RAB38: variants seen among roughly 807,000 people sequenced by gnomAD.
RAB38 encodes ras-related protein Rab-38.
RAB38 carries 15 observed loss-of-function variants against 18.4 expected under a neutral mutation model. That is an observed-to-expected ratio of 0.82 (90% CI 0.55 to 1.26). RAB38 has a LOEUF of 1.26. Among genes scored for constraint, RAB38 ranks in the 50% most tolerant of loss-of-function variants. RAB38 has a pLI of 0.00. For synonymous variants in RAB38, 101 were observed against 104.4 expected (o/e 0.97, Z 0.20); for missense variants, 294 against 267.4 (o/e 1.10, Z -0.69).
chr11:88,079,960 T>A, the RAB38 span, among the ~76,000 whole-genome samples: 1 of 151,604 alleles, frequency 6.6e-6, no homozygotes, highest in Non-Finnish European at 1.5e-5. Context: ...ACAAAGCAAA[T>A]ACTTTTTCCC....
intron 2 of RAB38, among the ~76,000 whole-genome samples, chr11:88,121,567 T>C (rs554539187): frequency 1.3e-5 from 2 of 151,034 alleles, no homozygotes; most frequent in East Asian, 4.0e-4. Flanking sequence ...TGCTGCTCTT[T>C]TTTTGTTTTT....
chr11:88,015,796 T>G, the RAB38 span, among the ~76,000 whole-genome samples: 1 of 152,164 alleles, frequency 6.6e-6, no homozygotes, highest in Non-Finnish European at 1.5e-5. Flanking sequence ...GAAAAATGTT[T>G]CCAGTTGGGC....
chr11:87,850,411 G>C, the RAB38 span, among the ~76,000 whole-genome samples: 1 of 151,904 alleles, frequency 6.6e-6, no homozygotes, highest in East Asian at 1.9e-4. Flanking sequence ...GTTGCTTTTT[G>C]TAATACTTCC....
At chr11:88,131,876 T>C (rs1387195433) in intron 2 of RAB38, among the ~76,000 whole-genome samples, 4 of 152,166 alleles carry the variant, frequency 2.6e-5, no homozygotes, top group African/African-American at 9.7e-5. Context: ...CTTTCTAACC[T>C]TGAAGAGGTA....
the RAB38 span, among the ~76,000 whole-genome samples, chr11:88,071,420 T>G: frequency 2.6e-5 from 4 of 152,104 alleles, no homozygotes; most frequent in Admixed American, 6.5e-5. Context: ...GCAATAGCTA[T>G]CTAACTCTGG....
the RAB38 span, among the ~76,000 whole-genome samples, chr11:87,914,473 G>T: frequency 3.4e-4 from 51 of 152,226 alleles, no homozygotes; most frequent in African/African-American, 1.2e-3. Flanking sequence ...AAGTGGTATG[G>T]TTACTTTTCA....
At chr11:87,954,905 A>T in the RAB38 span, among the ~76,000 whole-genome samples, 1 of 152,182 alleles carries the variant, frequency 6.6e-6, no homozygotes, top group Non-Finnish European at 1.5e-5. Flanking sequence ...CACCTCCAGA[A>T]CCTGTAAAGG....
the RAB38 span, among the ~76,000 whole-genome samples, chr11:87,976,190 T>G: frequency 6.8e-5 from 10 of 147,358 alleles, no homozygotes. Flanking sequence ...ATAGGTATAT[T>G]TATATATACT....
rs115616350 is a variant in RAB38 at position 88,172,159 on chromosome 11, T to G, written c.202+3024A>C. 2.7e-3 allele frequency among the ~76,000 whole-genome samples: 412 copies of G among 152,346 alleles called. 2 individuals are homozygous for G. The highest frequency in any genetic ancestry group is 8.9e-3 in the African/African-American group (371 of 41,596). The stretch of plus-strand genomic sequence containing the variant: ...GGGTCAAATCTGGCTCTTCCTCTAC[T>G]AGCTGGGTGGCCTCAGGCAAAGTTA... On this transcript the variant is annotated intron_variant, in intron 1 of 2. Transcript: ENST00000243662.
At chr11:88,064,172 A>G in the RAB38 span, among the ~76,000 whole-genome samples, 3 of 152,214 alleles carry the variant, frequency 2.0e-5, no homozygotes, top group Non-Finnish European at 1.5e-5. Context: ...TTGGGTTATC[A>G]TCTTATGGAG....
At chr11:88,053,718 C>G in the RAB38 span, among the ~76,000 whole-genome samples, 2 of 151,250 alleles carry the variant, frequency 1.3e-5, no homozygotes, top group East Asian at 3.9e-4. Flanking sequence ...AGCCTTGATA[C>G]GCAGTGACTT....
At chr11:87,923,402 T>C in the RAB38 span, among the ~76,000 whole-genome samples, 1 of 151,998 alleles carries the variant, frequency 6.6e-6, no homozygotes, top group Non-Finnish European at 1.5e-5. Flanking sequence ...CTTAGATTCT[T>C]AGTCTTAAAT....
the RAB38 span, among the ~76,000 whole-genome samples, chr11:88,058,468 C>T: frequency 6.6e-6 from 1 of 152,104 alleles, no homozygotes; most frequent in Non-Finnish European, 1.5e-5. Context: ...AACATGTGGC[C>T]TGCGTGGAGG....
the RAB38 span, among the ~76,000 whole-genome samples, chr11:88,099,764 ATGAT>A: frequency 1.3e-5 from 2 of 151,832 alleles, no homozygotes; most frequent in Non-Finnish European, 2.9e-5. Context: ...ATCTAAATAT[ATGAT>A]TGTTACAGAG....
the RAB38 span, among the ~76,000 whole-genome samples, chr11:88,044,837 C>A: frequency 6.6e-6 from 1 of 152,112 alleles, no homozygotes; most frequent in Admixed American, 6.5e-5. Flanking sequence ...CTGCTCCCCG[C>A]CAGGCCGAGC....
chr11:88,034,245 A>T, the RAB38 span, among the ~76,000 whole-genome samples: 1 of 152,154 alleles, frequency 6.6e-6, no homozygotes, highest in African/African-American at 2.4e-5. Context: ...ACTGTCTGTT[A>T]GCCATTTGCC....
the RAB38 span, among the ~76,000 whole-genome samples, chr11:88,009,814 G>A: frequency 0.042 from 6,383 of 152,088 alleles, 221 homozygotes; most frequent in African/African-American, 0.097. Context: ...CATTTTGTCT[G>A]TGCTCTTTAT....
the RAB38 span, among the ~76,000 whole-genome samples, chr11:87,892,053 T>C: frequency 6.6e-6 from 1 of 151,922 alleles, no homozygotes; most frequent in Admixed American, 6.6e-5. Flanking sequence ...ACCTGTTCAA[T>C]GTCTCTTTGA....
At chr11:88,011,060 T>C in the RAB38 span, among the ~76,000 whole-genome samples, 1 of 152,176 alleles carries the variant, frequency 6.6e-6, no homozygotes, top group African/African-American at 2.4e-5. Flanking sequence ...TACAGAGACA[T>C]CTTGGTAGTC....
Sources: allele counts gnomAD v4.1 joint callset (sites outside exome capture counted in the v4.1 genomes callset), GRCh38; gene constraint gnomAD v4.1.1; transcripts MANE v1.5; gene names NCBI Gene and HGNC (gene_info 2026-07-23, HGNC 2026-07-21).